PDE4D: variants seen among roughly 807,000 people sequenced by gnomAD.
The protein encoded by PDE4D is phosphodiesterase 4D.
PDE4D carries 24 observed loss-of-function variants against 87.4 expected under a neutral mutation model. That is an observed-to-expected ratio of 0.27 (90% CI 0.20 to 0.39). The LOEUF (loss-of-function observed/expected upper bound fraction) is 0.39, where lower values mean the gene tolerates loss of function less well. Ranked by LOEUF, PDE4D falls within the 10% of genes least tolerant of loss-of-function variation. PDE4D has a pLI of 1.00. For missense variants in PDE4D, 714 were observed against 1,041.0 expected, an observed-to-expected ratio of 0.69 and a Z score of 4.32; for synonymous variants, 384 against 383.2, an observed-to-expected ratio of 1.00 and a Z score of -0.02.
chr5:58,993,274 G>T, intron 7 of PDE4D, 98 bp downstream of exon 7: 2 of 613,516 alleles, frequency 3.3e-6, no homozygotes, highest in Non-Finnish European at 5.7e-6. Context: ...TCTAACACTT[G>T]TTTGGTTTCC....
rs79239810 is a variant in PDE4D at position 60,480,037 on chromosome 5, G to C, written c.-90+7905C>G. 8.5e-4 allele frequency among the ~76,000 whole-genome samples: 130 copies of C among 152,292 alleles called. 1 individual carries two copies. The East Asian group carries it at 0.024, about 28-fold the overall frequency. ...ACCCTTAGAACATCGCCAGAGGGCTGATGCAGTAGAGCAGTCTGGGCCAGT... is the reference window on the plus strand; with the variant it reads ...ACCCTTAGAACATCGCCAGAGGGCTCATGCAGTAGAGCAGTCTGGGCCAGT... On this transcript the variant is annotated intron_variant, in intron 1 of 16. Coordinates refer to the PDE4D transcript ENST00000502484.
At chr5:59,776,855 T>C (rs1264287956) in intron 1 of PDE4D, among the ~76,000 whole-genome samples, 4 of 150,254 alleles carry the variant, frequency 2.7e-5, no homozygotes, top group Non-Finnish European at 4.4e-5. Flanking sequence ...TTAATGAATG[T>C]TTCACGAAAA....
chr5:59,371,746 A>T (rs796215143), intron 1 of PDE4D, among the ~76,000 whole-genome samples: 2 of 152,380 alleles, frequency 1.3e-5, no homozygotes, highest in African/African-American at 4.8e-5. Context: ...ACTATAGGTT[A>T]TCTGGTGAGA....
chr5:59,713,134 T>C (rs142775752), intron 1 of PDE4D, among the ~76,000 whole-genome samples: 126 of 151,990 alleles, frequency 8.3e-4, no homozygotes, highest in African/African-American at 2.8e-3. Flanking sequence ...AAACAATAAG[T>C]GAACATTTGA....
chr5:59,824,637 C>T (rs528211451), intron 1 of PDE4D, among the ~76,000 whole-genome samples: 8 of 152,210 alleles, frequency 5.3e-5, no homozygotes, highest in African/African-American at 7.2e-5. Context: ...ACTTGGATGA[C>T]GACAAGTACT....
At chr5:60,154,986 T>C (rs751817338) in intron 2 of PDE4D, among the ~76,000 whole-genome samples, 1 of 152,200 alleles carries the variant, frequency 6.6e-6, no homozygotes, top group East Asian at 1.9e-4. Flanking sequence ...AATTTATTAG[T>C]TGGTTCTTTC....
chr5:60,205,540 A>G (rs956036755), intron 1 of PDE4D, among the ~76,000 whole-genome samples: 1 of 152,130 alleles, frequency 6.6e-6, no homozygotes, highest in Non-Finnish European at 1.5e-5. Flanking sequence ...GCTTCTAAAG[A>G]TAGAGAATGT....
chr5:59,031,362 GATATATATATAT>G (rs137969980), intron 6 of PDE4D, among the ~76,000 whole-genome samples: 40,464 of 111,008 alleles, frequency 0.36, 7,152 homozygotes, highest in East Asian at 0.43. Context: ...AAGAAAATGT[GATATATATATAT>G]ATATATATAT....
At chr5:60,509,471 G>A (rs1202567099) in intron 1 of PDE4D, among the ~76,000 whole-genome samples, 1 of 152,198 alleles carries the variant, frequency 6.6e-6, no homozygotes, top group Admixed American at 6.5e-5. Flanking sequence ...AGGTGGATTT[G>A]CAAACACATA....
At chr5:59,843,351 G>C (rs1743331026) in intron 1 of PDE4D, among the ~76,000 whole-genome samples, 1 of 151,736 alleles carries the variant, frequency 6.6e-6, no homozygotes, top group Admixed American at 6.6e-5. Flanking sequence ...CAAGAGAGAG[G>C]AAATACATTT....
At chr5:59,939,508 C>T (rs752700758) in intron 3 of PDE4D, among the ~76,000 whole-genome samples, 6 of 152,150 alleles carry the variant, frequency 3.9e-5, no homozygotes, top group Non-Finnish European at 7.4e-5. Context: ...AAATTTTAAA[C>T]CAAAGTCAGT....
chr5:60,106,238 A>G (rs1293920470), intron 2 of PDE4D, among the ~76,000 whole-genome samples: 1 of 151,844 alleles, frequency 6.6e-6, no homozygotes, highest in Admixed American at 6.6e-5. Context: ...CTTTAAACCA[A>G]CAAAGATCAA....
intron 1 of PDE4D, among the ~76,000 whole-genome samples, chr5:59,388,208 G>A (rs1280854468): frequency 2.6e-5 from 4 of 151,938 alleles, no homozygotes; most frequent in South Asian, 2.1e-4. Flanking sequence ...CTAAACAGAT[G>A]TTTCTCAAAA....
At chr5:59,147,173 A>G (rs980180057) in intron 5 of PDE4D, among the ~76,000 whole-genome samples, 1 of 152,194 alleles carries the variant, frequency 6.6e-6, no homozygotes, top group Admixed American at 6.5e-5. Flanking sequence ...CCTGGTGCCA[A>G]AAAGGTTGGG....
At chr5:59,996,865 CA>C (rs1763570231) in intron 2 of PDE4D, among the ~76,000 whole-genome samples, 1 of 152,028 alleles carries the variant, frequency 6.6e-6, no homozygotes, top group Non-Finnish European at 1.5e-5. Flanking sequence ...ACAAAGATAA[CA>C]GATAGGTTTC....
chr5:60,143,999 T>C (rs1222751299), intron 2 of PDE4D, among the ~76,000 whole-genome samples: 1 of 152,206 alleles, frequency 6.6e-6, no homozygotes, highest in Non-Finnish European at 1.5e-5. Flanking sequence ...CAGCAACTTC[T>C]GGACTATTAC....
rs926956807 is a variant in PDE4D, at chr5:59,215,801, C to T, written c.623G>A (p.Arg208Gln). ...CATATCACTGGCAATGGAGGAGTTC[C>T]GGGACATAGACTTTGGAGAGAGGTC... is the stretch of plus-strand genomic sequence containing the variant. ...DYDLSPKSMS[R>Q]NSSIASDIHG... Residue 208 changes from arginine (R) to glutamine (Q), a missense_variant, in exon 2 of 15, where the codon CGG becomes CAG. Arg to Gln is a conservative substitution (Grantham distance 43). Around this residue, in one of 7 missense-constraint regions of PDE4D, gnomAD observed 90 missense variants for 177.6 expected, o/e 0.51. Transcript: ENST00000340635. The T allele has an allele frequency of 3.7e-6, 6 of 1,613,436 alleles. No individual in the cohort carries two copies. The highest frequency in any genetic ancestry group is 2.2e-5 in the South Asian group (2 of 91,078).
chr5:59,421,077 C>A (rs1794412866), intron 1 of PDE4D, among the ~76,000 whole-genome samples: 1 of 152,170 alleles, frequency 6.6e-6, no homozygotes, highest in South Asian at 2.1e-4. Flanking sequence ...TAGACTATGA[C>A]AAACTGAAGT....
chr5:60,490,059 G>A (rs1749445892), upstream of PDE4D: 1 of 152,192 alleles, frequency 6.6e-6, no homozygotes, highest in Non-Finnish European at 1.5e-5. Context: ...CACAGCTTTT[G>A]TACATTCTCT....
Sources: gnomAD v4.1 joint callset for allele counts (sites outside exome capture counted in the v4.1 genomes callset) on GRCh38, gnomAD v4.1.1 for gene constraint, gnomAD v4.1.1 regional missense constraint, MANE v1.5 for transcripts, NCBI Gene and HGNC (gene_info 2026-07-23, HGNC 2026-07-21) for gene names.